Variants in CDC5L observed in about 807,000 individuals in gnomAD.
CDC5L encodes the protein cell division cycle 5 like.
A neutral mutation model predicts 104.1 loss-of-function variants in CDC5L; 18 were observed. The ratio of observed to expected loss-of-function variants is 0.17; its 90% CI spans 0.12 to 0.26. The LOEUF is 0.26. CDC5L is among the 10% of genes least tolerant of loss of function. The probability of loss-of-function intolerance (pLI) is 1.00; values close to 1 mark genes in which losing one functional copy is unlikely to be tolerated. For synonymous variants in CDC5L, 331 were observed against 322.7 expected (o/e 1.03, Z -0.28); for missense variants, 673 against 956.9 (o/e 0.70, Z 3.91).
At chr6:44,422,080 G>A in intron 9 of CDC5L, among the ~76,000 whole-genome samples, 1 of 152,216 alleles carries the variant, frequency 6.6e-6, no homozygotes, top group Non-Finnish European at 1.5e-5. Flanking sequence ...AAAATCTGTG[G>A]ATCTTATTCC....
intron 14 of CDC5L, among the ~76,000 whole-genome samples, chr6:44,439,429 C>T (rs1396997200): frequency 6.6e-6 from 1 of 152,096 alleles, no homozygotes; most frequent in African/African-American, 2.4e-5. Context: ...GAAAATCTTC[C>T]CATAGAGTTG....
At chr6:44,445,042 G>A (rs1372965384) in intron 14 of CDC5L, among the ~76,000 whole-genome samples, 1 of 152,216 alleles carries the variant, frequency 6.6e-6, no homozygotes, top group African/African-American at 2.4e-5. Flanking sequence ...CTTCCAGGGA[G>A]AAATGTGGAG....
intron 14 of CDC5L, among the ~76,000 whole-genome samples, chr6:44,441,757 G>A (rs1276388112): frequency 2.6e-5 from 4 of 151,838 alleles, no homozygotes; most frequent in Non-Finnish European, 5.9e-5. Context: ...CTTGTATGTC[G>A]TCTTTTGAGA....
intron 8 of CDC5L, among the ~76,000 whole-genome samples, chr6:44,414,882 T>C (rs1791841304): frequency 6.6e-6 from 1 of 152,336 alleles, no homozygotes; most frequent in Admixed American, 6.5e-5. Context: ...GTTATTCCCA[T>C]GTTTTTTCCT....
At chr6:44,412,781 CTTT>C (rs397950082) in intron 8 of CDC5L, among the ~76,000 whole-genome samples, 1 of 106,590 alleles carries the variant, frequency 9.4e-6, no homozygotes, top group Admixed American at 1.2e-4. Flanking sequence ...AGAATAATTT[CTTT>C]TTTTTTTTTT....
intron 8 of CDC5L, among the ~76,000 whole-genome samples, chr6:44,418,574 T>TG (rs1792007041): frequency 6.6e-6 from 1 of 152,200 alleles, no homozygotes; most frequent in South Asian, 2.1e-4. Flanking sequence ...ATCGCCACAC[T>TG]GACTTCCACA....
In CDC5L at chr6:44,406,446, A is replaced by G. The variant is rs747473777; in HGVS notation, c.882A>G (p.Lys294=). The change falls in exon 7 of 16, where the codon AAA becomes AAG. Residue 294 remains lysine, a synonymous_variant. Transcript: ENST00000371477. ...GVSEFTKKRS[K]LVLPAPQISD... Reference sequence around the variant, plus strand: ...CTGAATTTACTAAAAAGAGAAGCAAACTAGTACTTCCTGCCCCTCAGGTAA... The same window carrying G: ...CTGAATTTACTAAAAAGAGAAGCAAGCTAGTACTTCCTGCCCCTCAGGTAA... The G allele has an allele frequency of 1.2e-6, 2 of 1,610,642 alleles. No homozygotes were observed. The highest frequency in any genetic ancestry group is 1.7e-5 in the Admixed American group (1 of 59,222).
At chr6:44,396,041 A>G (rs1790854729) in intron 4 of CDC5L, among the ~76,000 whole-genome samples, 1 of 152,166 alleles carries the variant, frequency 6.6e-6, no homozygotes, top group Admixed American at 6.6e-5. Context: ...ATTTCGTTTT[A>G]CTTAGCCCTT....
chr6:44,423,685 G>A (rs1267635716), intron 10 of CDC5L, among the ~76,000 whole-genome samples: 4 of 152,160 alleles, frequency 2.6e-5, no homozygotes, highest in African/African-American at 9.7e-5. Context: ...GTACATGTAA[G>A]CACTGAGGAT....
chr6:44,420,428 G>A (rs1309902576), intron 9 of CDC5L, among the ~76,000 whole-genome samples: 1 of 150,718 alleles, frequency 6.6e-6, no homozygotes, highest in Non-Finnish European at 1.5e-5. Context: ...GCGCGAACTC[G>A]GCTCATCACA....
At chr6:44,405,104 C>A (rs1791306623) in intron 6 of CDC5L, among the ~76,000 whole-genome samples, 1 of 152,088 alleles carries the variant, frequency 6.6e-6, no homozygotes. Context: ...TTTATAAAAT[C>A]TTTATGTTTT....
At chr6:44,404,711 T>G (rs11571946) in intron 6 of CDC5L, among the ~76,000 whole-genome samples, 5,434 of 152,224 alleles carry the variant, frequency 0.036, 303 homozygotes, top group Admixed American at 0.15. Context: ...ATTTTTTTTT[T>G]TAAGACAAGG....
chr6:44,444,195 C>G (rs1793342684), intron 14 of CDC5L, among the ~76,000 whole-genome samples: 1 of 152,144 alleles, frequency 6.6e-6, no homozygotes, highest in East Asian at 1.9e-4. Flanking sequence ...TTCTTCCACT[C>G]TTTCTACACT....
intron 6 of CDC5L, among the ~76,000 whole-genome samples, chr6:44,405,587 G>A (rs982630872): frequency 6.6e-6 from 1 of 152,158 alleles, no homozygotes; most frequent in African/African-American, 2.4e-5. Context: ...TTAATAACAA[G>A]TTTTAAAGGG....
chr6:44,396,483 C>T, intron 5 of CDC5L, 43 bp downstream of exon 5: 1 of 1,195,020 alleles, frequency 8.4e-7, no homozygotes, highest in South Asian at 1.3e-5. Context: ...GTTTTTCTCA[C>T]ATAACAATCA....
At chr6:44,425,436 G>A (rs1213166474) in intron 11 of CDC5L, among the ~76,000 whole-genome samples, 1 of 152,144 alleles carries the variant, frequency 6.6e-6, no homozygotes, top group Non-Finnish European at 1.5e-5. Context: ...GTCTCATGGT[G>A]GGTAAGTGGT....
chr6:44,414,594 C>G (rs762845304), intron 8 of CDC5L, among the ~76,000 whole-genome samples: 24 of 151,560 alleles, frequency 1.6e-4, no homozygotes, highest in Non-Finnish European at 3.1e-4. Context: ...CCCGAGTCTC[C>G]CAAAGTGCTA....
Position 44,403,697 on chromosome 6 carries a change from T to G in CDC5L, c.540-112T>G, listed in dbSNP as rs1791236839. 1.2e-5 allele frequency: 9 copies of G among 742,350 alleles called. No individual in the cohort carries two copies. In the South Asian group the frequency reaches 1.5e-4, roughly 13 times the overall value. The allele number at this position is 742,350 out of a possible 1,614,324, so 46.0% of individuals were successfully genotyped here. On this transcript the variant is annotated intron_variant, in intron 5 of 15. Transcript: ENST00000371477. ...TGGTGAATGGTGTGAGGTAAGGATTTAAATAACTATTTCTTCCCCAAATAA... is the reference window on the plus strand; with the variant it reads ...TGGTGAATGGTGTGAGGTAAGGATTGAAATAACTATTTCTTCCCCAAATAA...
chr6:44,436,182 C>T (rs969425592), intron 14 of CDC5L, among the ~76,000 whole-genome samples: 1 of 152,188 alleles, frequency 6.6e-6, no homozygotes, highest in Admixed American at 6.6e-5. Flanking sequence ...TGGGAATTCT[C>T]CTCCCATGTG....
Sources: gnomAD v4.1 joint callset for allele counts (sites outside exome capture counted in the v4.1 genomes callset) on GRCh38, gnomAD v4.1.1 for gene constraint, MANE v1.5 for transcripts, NCBI Gene and HGNC (gene_info 2026-07-23, HGNC 2026-07-21) for gene names.